Variants in TMEM45B observed in about 807,000 individuals in gnomAD.
TMEM45B encodes transmembrane protein 45B.
A neutral mutation model predicts 27.3 loss-of-function variants in TMEM45B; 29 were observed. That is an observed-to-expected ratio of 1.06 (90% CI 0.79 to 1.45). TMEM45B has a LOEUF of 1.45. TMEM45B is among the 40% of genes most tolerant of loss of function. TMEM45B has a pLI of 0.00. For synonymous variants in TMEM45B, 143 were observed against 134.7 expected (o/e 1.06, Z -0.43); for missense variants, 348 against 343.9 (o/e 1.01, Z -0.09).
chr11:129,856,887 C>T (rs1947935792), intron 4 of TMEM45B, among the ~76,000 whole-genome samples: 1 of 143,442 alleles, frequency 7.0e-6, no homozygotes, highest in South Asian at 2.3e-4. Context: ...CAGTCTCGCA[C>T]TGTGGCCCGG....
intron 1 of TMEM45B, among the ~76,000 whole-genome samples, chr11:129,825,446 G>A (rs1457218333): frequency 6.6e-6 from 1 of 151,856 alleles, no homozygotes; most frequent in Non-Finnish European, 1.5e-5. Context: ...GACTTGAGGT[G>A]TCTAAGAAAC....
At chr11:129,848,498 C>G (rs1156279615) in intron 1 of TMEM45B, among the ~76,000 whole-genome samples, 1 of 149,114 alleles carries the variant, frequency 6.7e-6, no homozygotes, top group Non-Finnish European at 1.5e-5. Flanking sequence ...GAAAGGGAGA[C>G]CGTGGAAAGA....
chr11:129,832,963 C>T (rs1449624060), intron 1 of TMEM45B, among the ~76,000 whole-genome samples: 6 of 152,124 alleles, frequency 3.9e-5, no homozygotes, highest in South Asian at 4.2e-4. Flanking sequence ...GTTAATTGGC[C>T]GGGCCTGGTG....
rs1947968892 is a variant in TMEM45B, at chr11:129,858,845, C to T, written c.*160C>T. ...GAGGTTCTACAACAGGAAATCAGGC[C>T]TACAGCATCCTGTGTATCTTGCAGT... On this transcript the variant is annotated 3_prime_UTR_variant, in exon 6 of 6. Coordinates refer to ENST00000281441, the MANE Select transcript of TMEM45B (RefSeq NM_138788.5). 5.8e-6 allele frequency: 3 copies of T among 514,338 alleles called. No individual in the cohort carries two copies. The highest frequency in any genetic ancestry group is 1.0e-5 in the Non-Finnish European group (3 of 288,654). The allele number at this position is 514,338 out of a possible 1,614,324, so 31.9% of individuals were successfully genotyped here.
At chr11:129,818,457 C>T (rs576953535) in intron 1 of TMEM45B, among the ~76,000 whole-genome samples, 1 of 152,282 alleles carries the variant, frequency 6.6e-6, no homozygotes, top group East Asian at 1.9e-4. Flanking sequence ...TGTTTGTAAA[C>T]AGCACTGTTC....
At chr11:129,847,090 G>A (rs1947770250) in intron 1 of TMEM45B, among the ~76,000 whole-genome samples, 1 of 152,196 alleles carries the variant, frequency 6.6e-6, no homozygotes, top group African/African-American at 2.4e-5. Flanking sequence ...ATAGCAGGGT[G>A]GGGAAGAGGG....
At chr11:129,826,962 T>G (rs1042435889) in intron 1 of TMEM45B, 4 of 152,230 alleles carry the variant, frequency 2.6e-5, no homozygotes, top group African/African-American at 9.7e-5. Flanking sequence ...CCCAAAGTGT[T>G]GGGATTACAG....
chr11:129,834,052 G>T (rs1279507424), intron 1 of TMEM45B, among the ~76,000 whole-genome samples: 1 of 152,214 alleles, frequency 6.6e-6, no homozygotes, highest in Non-Finnish European at 1.5e-5. Flanking sequence ...CGTGGCTTTG[G>T]AACTAAACAG....
At chr11:129,852,787 GC>G in intron 2 of TMEM45B, 127 bp downstream of exon 2, 1 of 937,426 alleles carries the variant, frequency 1.1e-6, no homozygotes, top group Non-Finnish European at 1.6e-6. Flanking sequence ...TTTCCTGATG[GC>G]CACTAGACTA....
chr11:129,846,219 G>A (rs994006663), intron 1 of TMEM45B, among the ~76,000 whole-genome samples: 2 of 152,190 alleles, frequency 1.3e-5, no homozygotes, highest in African/African-American at 2.4e-5. Flanking sequence ...TGTAATCCCA[G>A]CATGTTGGGA....
intron 1 of TMEM45B, among the ~76,000 whole-genome samples, chr11:129,846,383 C>A (rs1270277253): frequency 2.0e-5 from 3 of 151,984 alleles, no homozygotes; most frequent in Non-Finnish European, 4.4e-5. Context: ...AGGAGAATCG[C>A]TTGAACACAT....
At chr11:129,839,505 G>C (rs1485376283) in intron 1 of TMEM45B, among the ~76,000 whole-genome samples, 1 of 152,140 alleles carries the variant, frequency 6.6e-6, no homozygotes, top group Non-Finnish European at 1.5e-5. Flanking sequence ...TAAGAAAGTT[G>C]GGGAATTTGC....
intron 1 of TMEM45B, among the ~76,000 whole-genome samples, 152 bp from the exon 2 acceptor site, chr11:129,852,323 C>T (rs1248044098): frequency 1.3e-5 from 2 of 152,140 alleles, no homozygotes; most frequent in Non-Finnish European, 2.9e-5. Context: ...ACTTCAGTGA[C>T]GTAACATAAG....
chr11:129,837,319 T>C (rs966308776), intron 1 of TMEM45B, among the ~76,000 whole-genome samples: 13 of 151,962 alleles, frequency 8.6e-5, no homozygotes, highest in African/African-American at 3.1e-4. Flanking sequence ...GGAGTCTTGC[T>C]CTGTCTCTCA....
intron 1 of TMEM45B, among the ~76,000 whole-genome samples, chr11:129,830,365 T>G (rs911951372): frequency 3.3e-5 from 5 of 152,086 alleles, no homozygotes; most frequent in African/African-American, 1.2e-4. Context: ...CACATAAATA[T>G]AAGAGCTAAA....
chr11:129,858,175 C>T (rs80215821), intron 5 of TMEM45B, among the ~76,000 whole-genome samples: 4,288 of 152,228 alleles, frequency 0.028, 187 homozygotes, highest in African/African-American at 0.099. Context: ...GCTGCCTCTA[C>T]CTTTTCTTCT....
chr11:129,828,493 A>C (rs1947512690), intron 1 of TMEM45B, among the ~76,000 whole-genome samples: 1 of 152,198 alleles, frequency 6.6e-6, no homozygotes, highest in Non-Finnish European at 1.5e-5. Context: ...GAAGTTCAGG[A>C]CTGCGGCCAC....
In TMEM45B at chr11:129,854,822, T is replaced by C. The variant is rs1200157507; in HGVS notation, c.385+6T>C. ...TGTGGCAGTATTCATGGAAGGTAAT[T>C]TTGTGGAACGGATGGAGAGGAAGGA... On this transcript the variant is annotated splice_donor_region_variant and intron_variant, in intron 3 of 5. Coordinates refer to ENST00000281441, the MANE Select transcript of TMEM45B (RefSeq NM_138788.5). The C allele has an allele frequency of 6.2e-7, 1 of 1,611,704 alleles. No individual in the cohort carries two copies. Among genetic ancestry groups the C allele is most frequent in the South Asian group, 1.1e-5 (1 of 91,064 alleles).
chr11:129,857,502 C>T, intron 5 of TMEM45B, 44 bp downstream of exon 5: 1 of 1,609,356 alleles, frequency 6.2e-7, no homozygotes, highest in African/African-American at 1.3e-5. Context: ...TAACTCTAAG[C>T]AGGACTGATG....
Sources: allele counts gnomAD v4.1 joint callset (sites outside exome capture counted in the v4.1 genomes callset), GRCh38; gene constraint gnomAD v4.1.1; transcripts MANE v1.5; gene names NCBI Gene and HGNC (gene_info 2026-07-23, HGNC 2026-07-21).